The following VPS13B variants were observed in gnomAD, a reference collection of about 807,000 sequenced individuals.
VPS13B encodes intermembrane lipid transfer protein VPS13B.
A neutral mutation model predicts 426.4 loss-of-function variants in VPS13B; 285 were observed. The ratio of observed to expected loss-of-function variants is 0.67; its 90% CI spans 0.61 to 0.74. VPS13B has a LOEUF of 0.74. VPS13B is among the 30% of genes least tolerant of loss of function. The pLI is 0.00. For synonymous variants in VPS13B, 1,676 were observed against 1,676.4 expected (o/e 1.00, Z 0.01); for missense variants, 4,537 against 4,782.6 (o/e 0.95, Z 1.51).
At chr8:99,831,457 A>G (rs1815055482) in intron 51 of VPS13B, among the ~76,000 whole-genome samples, 1 of 152,184 alleles carries the variant, frequency 6.6e-6, no homozygotes, top group Non-Finnish European at 1.5e-5. Flanking sequence ...GTCTTATAGG[A>G]AAGTATTATC....
chr8:99,668,189 G>C (rs1286247996), intron 35 of VPS13B, among the ~76,000 whole-genome samples: 2 of 151,594 alleles, frequency 1.3e-5, no homozygotes, highest in Non-Finnish European at 2.9e-5. Context: ...TAGTAACAAT[G>C]AAAGTTATGA....
At chr8:99,692,664 G>C (rs1379884914) in intron 35 of VPS13B, among the ~76,000 whole-genome samples, 1 of 133,440 alleles carries the variant, frequency 7.5e-6, no homozygotes, top group South Asian at 2.4e-4. Context: ...ACATTCAAAA[G>C]CTAGCAGAAG....
intron 30 of VPS13B, among the ~76,000 whole-genome samples, chr8:99,535,517 T>G (rs1462136853): frequency 6.6e-6 from 1 of 152,200 alleles, no homozygotes; most frequent in African/African-American, 2.4e-5. Context: ...CTGAAAAGCA[T>G]TCTACATTGA....
Position 99,516,008 on chromosome 8 carries a change from A to G in VPS13B, c.4633+4496A>G, listed in dbSNP as rs149425031. 9.0e-3 allele frequency among the ~76,000 whole-genome samples: 1,368 copies of G among 152,198 alleles called. 28 individuals carry two copies. Among genetic ancestry groups the G allele is most frequent in the African/African-American group, 0.032 (1,321 of 41,526 alleles). On this transcript the variant is annotated intron_variant, in intron 29 of 61. Transcript: ENST00000357162. ...TTTGCATCTCTGTATCTGTGCATGTATCTGTATCTTTACTTATAATTGTAC... is the reference window on the plus strand; with the variant it reads ...TTTGCATCTCTGTATCTGTGCATGTGTCTGTATCTTTACTTATAATTGTAC...
intron 58 of VPS13B, among the ~76,000 whole-genome samples, chr8:99,867,046 T>TAA (rs1554586464): frequency 2.6e-5 from 4 of 152,216 alleles, no homozygotes; most frequent in Non-Finnish European, 5.9e-5. Flanking sequence ...TGCATAAACT[T>TAA]AAATGTCTCT....
chr8:99,244,662 T>C (rs1457883317), intron 17 of VPS13B, among the ~76,000 whole-genome samples: 1 of 152,210 alleles, frequency 6.6e-6, no homozygotes, highest in Non-Finnish European at 1.5e-5. Flanking sequence ...AAAATAGTCA[T>C]ATTTTAGAAG....
intron 39 of VPS13B, among the ~76,000 whole-genome samples, chr8:99,739,309 T>C (rs1452303701): frequency 6.6e-6 from 1 of 152,050 alleles, no homozygotes; most frequent in African/African-American, 2.4e-5. Flanking sequence ...CTTGAGTAGG[T>C]AAACAAAGTG....
At chr8:99,221,767 A>G (rs1256257075) in intron 17 of VPS13B, among the ~76,000 whole-genome samples, 4 of 152,124 alleles carry the variant, frequency 2.6e-5, no homozygotes, top group Admixed American at 2.6e-4. Flanking sequence ...GTACAGGGGC[A>G]CAACCATCAT....
chr8:99,404,184 AGTTC>A (rs796788712), intron 21 of VPS13B, among the ~76,000 whole-genome samples: 7 of 152,350 alleles, frequency 4.6e-5, no homozygotes, highest in African/African-American at 1.7e-4. Flanking sequence ...TTAATTTTAA[AGTTC>A]TTTGAGAACA....
At chr8:99,767,045 C>A in intron 40 of VPS13B, 75 bp downstream of exon 40, 1 of 1,433,002 alleles carries the variant, frequency 7.0e-7, no homozygotes, top group Non-Finnish European at 9.7e-7. Flanking sequence ...ATCTAGTGAC[C>A]CCTCACTTAA....
intron 23 of VPS13B, among the ~76,000 whole-genome samples, chr8:99,443,855 G>T (rs373985160): frequency 6.6e-6 from 1 of 152,008 alleles, no homozygotes; most frequent in Non-Finnish European, 1.5e-5. Context: ...TTGTTGTGTC[G>T]TATAGTAACT....
intron 35 of VPS13B, among the ~76,000 whole-genome samples, chr8:99,664,782 G>T (rs1395578535): frequency 6.6e-6 from 1 of 152,150 alleles, no homozygotes; most frequent in Non-Finnish European, 1.5e-5. Flanking sequence ...AAACATACGT[G>T]TGCATGTGTC....
intron 20 of VPS13B, among the ~76,000 whole-genome samples, chr8:99,386,376 T>A (rs956079759): frequency 9.9e-5 from 15 of 152,230 alleles, no homozygotes; most frequent in African/African-American, 3.1e-4. Flanking sequence ...AATTTTGTTG[T>A]TGTGCAAACA....
chr8:99,482,822 A>G (rs182846955), intron 25 of VPS13B, among the ~76,000 whole-genome samples: 2 of 152,254 alleles, frequency 1.3e-5, no homozygotes, highest in Non-Finnish European at 2.9e-5. Flanking sequence ...GGACTGCCCT[A>G]TTCTACACAG....
intron 39 of VPS13B, among the ~76,000 whole-genome samples, chr8:99,743,514 A>C (rs1289363308): frequency 6.6e-6 from 1 of 152,174 alleles, no homozygotes; most frequent in Non-Finnish European, 1.5e-5. Flanking sequence ...CGCATCGCCA[A>C]GTCAATCCTA....
At chr8:99,406,651 T>G in intron 21 of VPS13B, among the ~76,000 whole-genome samples, 1 of 152,176 alleles carries the variant, frequency 6.6e-6, no homozygotes, top group East Asian at 1.9e-4. Context: ...TGCAGGATAT[T>G]AAGATAAAAT....
At chr8:99,464,473 T>C (rs370904909) in intron 23 of VPS13B, among the ~76,000 whole-genome samples, 2 of 152,312 alleles carry the variant, frequency 1.3e-5, no homozygotes, top group South Asian at 2.1e-4. Context: ...TCATAAATTA[T>C]ATTTCTGTGA....
intron 3 of VPS13B, among the ~76,000 whole-genome samples, chr8:99,089,621 T>TA (rs371342090): frequency 0.015 from 2,224 of 152,162 alleles, 22 homozygotes; most frequent in Non-Finnish European, 0.022. Flanking sequence ...TAGAAGGGAG[T>TA]GTCTGAGTTC....
At chr8:99,127,110 A>C (rs1848217842) in intron 8 of VPS13B, among the ~76,000 whole-genome samples, 1 of 152,032 alleles carries the variant, frequency 6.6e-6, no homozygotes, top group Non-Finnish European at 1.5e-5. Flanking sequence ...AAAAGAAAAA[A>C]AAAAAAGAAA....
Sources: allele counts gnomAD v4.1 joint callset (sites outside exome capture counted in the v4.1 genomes callset), GRCh38; gene constraint gnomAD v4.1.1; transcripts MANE v1.5; gene names NCBI Gene and HGNC (gene_info 2026-07-23, HGNC 2026-07-21).